Variants in TRIM44 observed in about 807,000 individuals in gnomAD.
The protein encoded by TRIM44 is tripartite motif-containing protein 44.
Under a neutral mutation model 37.4 loss-of-function variants are expected in TRIM44, and 13 were observed. The observed-to-expected ratio is 0.35, with a 90% CI of 0.23 to 0.55. The LOEUF is 0.55. TRIM44 is among the 20% of genes least tolerant of loss of function. The probability of loss-of-function intolerance (pLI) is 0.89; values close to 1 mark genes in which losing one functional copy is unlikely to be tolerated. For missense variants in TRIM44, 426 were observed against 437.2 expected (o/e 0.97, Z 0.23); for synonymous variants, 175 against 157.2 (o/e 1.11, Z -0.85).
At chr11:35,786,760 C>T (rs1853135510) in intron 4 of TRIM44, among the ~76,000 whole-genome samples, 1 of 152,044 alleles carries the variant, frequency 6.6e-6, no homozygotes, top group Non-Finnish European at 1.5e-5. Flanking sequence ...TTAAAAAACA[C>T]AGTAATTTTC....
intron 4 of TRIM44, among the ~76,000 whole-genome samples, chr11:35,778,040 C>A (rs1852997793): frequency 6.6e-6 from 1 of 152,202 alleles, no homozygotes; most frequent in African/African-American, 2.4e-5. Context: ...GGATAAAATC[C>A]TGAAGAGTGT....
chr11:35,734,996 C>T (rs1462926338), intron 3 of TRIM44, among the ~76,000 whole-genome samples: 1 of 152,136 alleles, frequency 6.6e-6, no homozygotes, highest in African/African-American at 2.4e-5. Context: ...TTGCAGTGTT[C>T]ATGTTTGATG....
At chr11:35,741,689 A>G (rs1852398550) in intron 4 of TRIM44, among the ~76,000 whole-genome samples, 1 of 152,136 alleles carries the variant, frequency 6.6e-6, no homozygotes, top group Admixed American at 6.6e-5. Context: ...CCTTGTTTAT[A>G]TATTTGGCCT....
At chr11:35,663,940 T>A (rs760672372) in intron 1 of TRIM44, among the ~76,000 whole-genome samples, 160 bp downstream of exon 1, 5 of 152,186 alleles carry the variant, frequency 3.3e-5, no homozygotes, top group Non-Finnish European at 7.3e-5. Context: ...TTGGTTGAAC[T>A]CTTTTGAGAA....
At chr11:35,794,679 G>A (rs906852205) in intron 4 of TRIM44, among the ~76,000 whole-genome samples, 2 of 152,212 alleles carry the variant, frequency 1.3e-5, no homozygotes, top group African/African-American at 4.8e-5. Context: ...ACCTGTCAAA[G>A]TAAGCTGTTC....
chr11:35,782,981 C>CTGG (rs1853085282), intron 4 of TRIM44, among the ~76,000 whole-genome samples: 1 of 152,142 alleles, frequency 6.6e-6, no homozygotes, highest in Admixed American at 6.5e-5. Flanking sequence ...CCAGGTGATA[C>CTGG]CTAAAATCAC....
intron 4 of TRIM44, among the ~76,000 whole-genome samples, chr11:35,756,373 T>C (rs1852640100): frequency 6.6e-6 from 1 of 152,222 alleles, no homozygotes; most frequent in African/African-American, 2.4e-5. Context: ...GAGACTTTGC[T>C]GAAGTTGCCT....
intron 4 of TRIM44, among the ~76,000 whole-genome samples, chr11:35,749,999 T>G (rs943810424): frequency 6.6e-6 from 1 of 152,184 alleles, no homozygotes; most frequent in African/African-American, 2.4e-5. Context: ...TTCTTACTCC[T>G]TTGTTCTAAG....
intron 4 of TRIM44, among the ~76,000 whole-genome samples, chr11:35,792,034 G>A (rs1853218818): frequency 6.8e-6 from 1 of 146,160 alleles, no homozygotes; most frequent in Non-Finnish European, 1.5e-5. Flanking sequence ...CTCTTAAGAG[G>A]TAGATCTTAA....
At chr11:35,792,072 TAC>T (rs57127722) in intron 4 of TRIM44, among the ~76,000 whole-genome samples, 2,382 of 136,810 alleles carry the variant, frequency 0.017, 53 homozygotes, top group African/African-American at 0.051. Context: ...GAGTTGCCCC[TAC>T]ACACACACAC....
intron 4 of TRIM44, among the ~76,000 whole-genome samples, chr11:35,741,984 G>A (rs1427018627): frequency 6.6e-6 from 1 of 152,074 alleles, no homozygotes; most frequent in Non-Finnish European, 1.5e-5. Flanking sequence ...AGGCTAGAGT[G>A]TAATAGTACA....
intron 2 of TRIM44, among the ~76,000 whole-genome samples, chr11:35,724,926 A>G (rs981348991): frequency 5.9e-5 from 9 of 152,222 alleles, no homozygotes; most frequent in Non-Finnish European, 1.2e-4. Flanking sequence ...GGCTCTAAAC[A>G]TCTTTAAAAA....
intron 4 of TRIM44, among the ~76,000 whole-genome samples, chr11:35,787,147 G>A (rs1469930315): frequency 1.3e-5 from 2 of 152,190 alleles, no homozygotes; most frequent in African/African-American, 2.4e-5. Context: ...GACGAGAGGA[G>A]GGAGCAAGGC....
chr11:35,680,358 C>A (rs1851508580), intron 1 of TRIM44, among the ~76,000 whole-genome samples: 1 of 152,042 alleles, frequency 6.6e-6, no homozygotes, highest in Non-Finnish European at 1.5e-5. Flanking sequence ...GCAATAATTG[C>A]TTTTCTAATA....
chr11:35,775,988 A>G (rs1852952789), intron 4 of TRIM44, among the ~76,000 whole-genome samples: 1 of 152,206 alleles, frequency 6.6e-6, no homozygotes, highest in Admixed American at 6.5e-5. Flanking sequence ...GCCTCATAAA[A>G]TGAGTTAGAG....
intron 4 of TRIM44, among the ~76,000 whole-genome samples, chr11:35,741,083 T>A (rs897410905): frequency 6.6e-6 from 1 of 152,204 alleles, no homozygotes; most frequent in Admixed American, 6.5e-5. Context: ...GTTGTTGCGT[T>A]GTCTTCATTG....
chr11:35,792,111 A>ACACT (rs796092540), intron 4 of TRIM44, among the ~76,000 whole-genome samples: 320 of 114,350 alleles, frequency 2.8e-3, no homozygotes, highest in African/African-American at 0.011. Context: ...ACACACACAC[A>ACACT]CTCTCTCTCA....
intron 2 of TRIM44, chr11:35,724,148 AT>A (rs1317542604): frequency 1.3e-5 from 2 of 152,174 alleles, no homozygotes; most frequent in African/African-American, 2.4e-5. Flanking sequence ...TTTTGCACTG[AT>A]GTCCTTAGTA....
chr11:35,748,518 G>GACC (rs1852522879), intron 4 of TRIM44, among the ~76,000 whole-genome samples: 1 of 152,208 alleles, frequency 6.6e-6, no homozygotes. Flanking sequence ...TCAGTACCTT[G>GACC]ACCAAGGTCA....
Sources: allele counts gnomAD v4.1 joint callset (sites outside exome capture counted in the v4.1 genomes callset), GRCh38; gene constraint gnomAD v4.1.1; transcripts MANE v1.5; gene names NCBI Gene and HGNC (gene_info 2026-07-23, HGNC 2026-07-21).